The following KCTD9 variants were observed in gnomAD, a reference collection of about 807,000 sequenced individuals.
KCTD9 encodes the protein BTB/POZ domain-containing protein KCTD9.
KCTD9 carries 17 observed loss-of-function variants against 53.3 expected under a neutral mutation model. The observed-to-expected ratio is 0.32, with a 90% CI of 0.22 to 0.48. KCTD9 has a LOEUF of 0.48. Ranked by LOEUF, KCTD9 falls within the 20% of genes least tolerant of loss-of-function variation. KCTD9 has a pLI of 0.99. For synonymous variants in KCTD9, 128 were observed against 162.7 expected (o/e 0.79, Z 1.62); for missense variants, 179 against 465.5 (o/e 0.38, Z 5.66).
chr8:25,433,844 T>C (rs1801972431), intron 9 of KCTD9, among the ~76,000 whole-genome samples: 1 of 152,180 alleles, frequency 6.6e-6, no homozygotes, highest in Non-Finnish European at 1.5e-5. Context: ...GATTTTCTTA[T>C]TACTGTAGGA....
chr8:25,440,270 G>A (rs1228694655), intron 4 of KCTD9, among the ~76,000 whole-genome samples: 1 of 151,576 alleles, frequency 6.6e-6, no homozygotes, highest in Non-Finnish European at 1.5e-5. Flanking sequence ...ATTTTAGCCG[G>A]GATGGTCTCG....
chr8:25,441,002 C>A (rs937717294), intron 3 of KCTD9, among the ~76,000 whole-genome samples: 1 of 152,172 alleles, frequency 6.6e-6, no homozygotes, highest in Non-Finnish European at 1.5e-5. Flanking sequence ...CTGAAAACAA[C>A]AGATTGAGAT....
Position 25,458,424 on chromosome 8 carries a change from GCCGGTCCTC to G in KCTD9, c.-187_-179del. ...CACTCTGTCCCACACCCAAGGTTCG[GCCGGTCCTC>G]CTTCCCACCCCGCCCCTAGGCTCCT... On this transcript the variant is annotated 5_prime_UTR_variant, in exon 1 of 12. Transcript: ENST00000221200. 1.4e-6 allele frequency: 1 copy of G among 706,664 alleles called. No homozygotes were observed. Among genetic ancestry groups the G allele is most frequent in the Non-Finnish European group, 2.4e-6 (1 of 411,218 alleles). 43.8% of individuals were successfully genotyped at this position (706,664 alleles called of 1,614,324 possible).
chr8:25,448,918 G>GA (rs201590210), intron 1 of KCTD9, among the ~76,000 whole-genome samples: 9,209 of 136,754 alleles, frequency 0.067, 349 homozygotes, highest in South Asian at 0.11. Context: ...CCTTCTCCAA[G>GA]AAAAAAAAAA....
intron 1 of KCTD9, among the ~76,000 whole-genome samples, chr8:25,456,060 C>T (rs1802427805): frequency 6.6e-6 from 1 of 152,210 alleles, no homozygotes; most frequent in African/African-American, 2.4e-5. Flanking sequence ...AATACACAGA[C>T]AATTCCTGGC....
intron 9 of KCTD9, among the ~76,000 whole-genome samples, chr8:25,434,080 T>C (rs1003570249): frequency 6.6e-6 from 1 of 152,116 alleles, no homozygotes; most frequent in African/African-American, 2.4e-5. Context: ...GTAGAAAATA[T>C]ATGTTTTAAG....
chr8:25,445,221 A>G (rs950401667), intron 2 of KCTD9, among the ~76,000 whole-genome samples: 11 of 152,198 alleles, frequency 7.2e-5, no homozygotes, highest in African/African-American at 2.7e-4. Flanking sequence ...TTTTCAGATT[A>G]GTATAAAAAT....
intron 1 of KCTD9, among the ~76,000 whole-genome samples, chr8:25,451,013 A>T (rs1258947175): frequency 3.3e-5 from 5 of 152,230 alleles, no homozygotes; most frequent in Admixed American, 3.3e-4. Flanking sequence ...AATTAAAATT[A>T]ATACGAAGAA....
chr8:25,454,201 A>G (rs1425179649), intron 1 of KCTD9, among the ~76,000 whole-genome samples: 1 of 152,148 alleles, frequency 6.6e-6, no homozygotes, highest in Non-Finnish European at 1.5e-5. Context: ...CATGTTTCTG[A>G]CCTAATACCA....
In KCTD9 at chr8:25,433,448, G is replaced by C. The variant is rs373157978; in HGVS notation, c.814-13C>G. The C allele has an allele frequency of 1.2e-4, 183 of 1,502,752 alleles. No homozygotes were observed. Among genetic ancestry groups the C allele is most frequent in the Non-Finnish European group, 1.6e-4 (174 of 1,095,094 alleles). 93.1% of individuals were successfully genotyped at this position (1,502,752 alleles called of 1,614,324 possible). ...GGAGATTCGCACACTGCAAAGAAAA[G>C]AGAAAAGTCCTGGTTGTAAGGTTCA... On this transcript the variant is annotated splice_polypyrimidine_tract_variant and intron_variant, in intron 9 of 11. Transcript: ENST00000221200.
intron 11 of KCTD9, among the ~76,000 whole-genome samples, chr8:25,430,586 C>A (rs563860430): frequency 1.3e-5 from 2 of 152,284 alleles, no homozygotes; most frequent in Admixed American, 1.3e-4. Context: ...AGGGCTCCCA[C>A]TGATTCTACA....
Position 25,438,592 on chromosome 8 carries a change from T to C in KCTD9, c.499+687A>G, listed in dbSNP as rs377218221. On this transcript the variant is annotated intron_variant, in intron 6 of 11. Coordinates refer to ENST00000221200, the MANE Select transcript of KCTD9 (RefSeq NM_017634.4). Reference sequence around the variant, plus strand: ...AGCTGACAGGCATGTGACCTCAAGATTGCCAACTGCCTACCATTCCTCAAG... The same window carrying C: ...AGCTGACAGGCATGTGACCTCAAGACTGCCAACTGCCTACCATTCCTCAAG... Among the ~76,000 whole-genome samples, 32 of 152,352 alleles carry C rather than the reference T, an allele frequency of 2.1e-4. 1 individual carries two copies. In the East Asian group the frequency reaches 3.1e-3, roughly 15 times the overall value.
intron 1 of KCTD9, among the ~76,000 whole-genome samples, chr8:25,456,900 T>G (rs1802447732): frequency 6.6e-6 from 1 of 152,234 alleles, no homozygotes; most frequent in South Asian, 2.1e-4. Context: ...TTACCAATTT[T>G]GAACATACTA....
At chr8:25,452,377 G>A (rs920663462) in intron 1 of KCTD9, among the ~76,000 whole-genome samples, 17 of 152,094 alleles carry the variant, frequency 1.1e-4, no homozygotes, top group African/African-American at 4.1e-4. Context: ...AAAACAATCT[G>A]GCATTATTTT....
chr8:25,435,583 T>C, intron 8 of KCTD9, 71 bp from the exon 9 acceptor site: 1 of 1,406,296 alleles, frequency 7.1e-7, no homozygotes, highest in Non-Finnish European at 9.5e-7. Context: ...TTACTATAGC[T>C]AACCACCAAG....
chr8:25,440,300 C>T (rs1208007855), intron 4 of KCTD9, among the ~76,000 whole-genome samples: 9 of 151,874 alleles, frequency 5.9e-5, no homozygotes, highest in African/African-American at 1.9e-4. Context: ...CCTCGTGATC[C>T]GCCCGCCTCG....
chr8:25,438,115 C>G (rs934938667), intron 6 of KCTD9, among the ~76,000 whole-genome samples: 2 of 151,946 alleles, frequency 1.3e-5, no homozygotes, highest in African/African-American at 4.8e-5. Flanking sequence ...AAAAAACTAG[C>G]AAATCTTGGT....
intron 1 of KCTD9, among the ~76,000 whole-genome samples, chr8:25,450,189 A>G (rs1802293106): frequency 6.6e-6 from 1 of 152,256 alleles, no homozygotes; most frequent in South Asian, 2.1e-4. Context: ...GTATCACTAA[A>G]TATTTTCTAA....
chr8:25,446,687 A>G (rs1382702893), intron 1 of KCTD9, among the ~76,000 whole-genome samples: 1 of 152,252 alleles, frequency 6.6e-6, no homozygotes, highest in East Asian at 1.9e-4. Flanking sequence ...AAAGTGCCTG[A>G]GACCTAGTAA....
Sources: gnomAD v4.1 joint callset for allele counts (sites outside exome capture counted in the v4.1 genomes callset) on GRCh38, gnomAD v4.1.1 for gene constraint, MANE v1.5 for transcripts, NCBI Gene and HGNC (gene_info 2026-07-23, HGNC 2026-07-21) for gene names.